Variants in ARG1 observed in about 807,000 individuals in gnomAD.
ARG1 encodes arginase-1.
A neutral mutation model predicts 33.0 loss-of-function variants in ARG1; 20 were observed. The observed-to-expected ratio is 0.61, with a 90% CI of 0.43 to 0.88. ARG1 has a LOEUF of 0.88. Among genes scored for constraint, ARG1 ranks in the 40% least tolerant of loss-of-function variants. The probability of loss-of-function intolerance (pLI) is 0.00; values close to 1 mark genes in which losing one functional copy is unlikely to be tolerated. For synonymous variants in ARG1, 146 were observed against 140.6 expected, an observed-to-expected ratio of 1.04 and a Z score of -0.27; for missense variants, 374 against 384.7, an observed-to-expected ratio of 0.97 and a Z score of 0.23.
Position 131,576,843 on chromosome 6 carries a change from C to T in ARG1, c.130+108C>T, listed in dbSNP as rs576331835. ...GTCTGGAATATTTACATCAGAATTG[C>T]GGTACTGGTTACAACCCGAGAAACA... is the stretch of plus-strand genomic sequence containing the variant. On this transcript the variant is annotated intron_variant, in intron 2 of 7. Coordinates refer to ENST00000368087, the MANE Select transcript of ARG1 (RefSeq NM_000045.4). The T allele has an allele frequency of 3.5e-5, 35 of 998,842 alleles. No individual in the cohort carries two copies. The East Asian group carries it at 4.9e-4, about 14-fold the overall frequency. The allele number at this position is 998,842 out of a possible 1,614,324, so 61.9% of individuals were successfully genotyped here.
At chr6:131,577,766 G>A (rs933928712) in intron 2 of ARG1, among the ~76,000 whole-genome samples, 23 of 151,856 alleles carry the variant, frequency 1.5e-4, no homozygotes, top group South Asian at 6.2e-4. Context: ...ATAGCTGGGC[G>A]TGGTGGCATG....
At chr6:131,573,871 G>T (rs1773487780) in intron 1 of ARG1, 1 of 240,786 alleles carries the variant, frequency 4.2e-6, no homozygotes, top group Non-Finnish European at 8.2e-6. Context: ...ATGTTTCTAT[G>T]AAACTGTTCA....
At position 131,584,180 on chromosome 6, in the gene ARG1, G is replaced by A. The variant is rs568284407; in HGVS notation, c.*272G>A. 136 of 423,832 alleles carry A rather than the reference G, an allele frequency of 3.2e-4. No individual in the cohort carries two copies. Among genetic ancestry groups the A allele is most frequent in the African/African-American group, 2.5e-3 (125 of 49,212 alleles). The allele number at this position is 423,832 out of a possible 1,614,324, so 26.3% of individuals were successfully genotyped here. A position where few individuals can be genotyped will look rare whatever the true frequency, so the allele number is the denominator to read the frequency against. On this transcript the variant is annotated 3_prime_UTR_variant, in exon 8 of 8. Transcript: ENST00000368087. ...ATTGATTTCCAATTAAAAATTTGCT[G>A]GCATTAAAAATAAGCACACTTACAT...
chr6:131,576,251 A>C (rs868449421), intron 1 of ARG1, among the ~76,000 whole-genome samples: 1 of 152,202 alleles, frequency 6.6e-6, no homozygotes, highest in South Asian at 2.1e-4. Context: ...ATCTCCTATC[A>C]GCTTATGAGG....
At chr6:131,580,993 T>A (rs1290789015) in intron 3 of ARG1, among the ~76,000 whole-genome samples, 1 of 152,146 alleles carries the variant, frequency 6.6e-6, no homozygotes, top group Admixed American at 6.5e-5. Context: ...AAAATCACAG[T>A]TTTTTTAGTA....
chr6:131,579,377 A>C, intron 3 of ARG1, 92 bp downstream of exon 3: 1 of 1,417,910 alleles, frequency 7.1e-7, no homozygotes, highest in Non-Finnish European at 9.7e-7. Flanking sequence ...ATAGACAGAA[A>C]AGCATTGACC....
intron 4 of ARG1, among the ~76,000 whole-genome samples, chr6:131,581,907 C>T (rs995490400): frequency 1.3e-5 from 2 of 152,310 alleles, no homozygotes; most frequent in Admixed American, 6.5e-5. Flanking sequence ...AACTATCTCC[C>T]TGCTCCCTAG....
rs1224399418 is a variant in ARG1, at chr6:131,581,258, C to CT, written c.345_346insT (p.Pro116SerfsTer2). Reference sequence around the variant, plus strand: ...GCATCTCTGGCCATGCCAGGGTCCACCCTGATCTTGGAGTCATCTGGGTGG... The same window carrying CT: ...GCATCTCTGGCCATGCCAGGGTCCACTCCTGATCTTGGAGTCATCTGGGTGG... On this transcript the variant is annotated frameshift_variant, in exon 4 of 8. Transcript: ENST00000368087. LOFTEE classifies it high-confidence loss of function. 3 of 1,613,884 alleles carry CT rather than the reference C, an allele frequency of 1.9e-6. No individual in the cohort carries two copies. In the Admixed American group the frequency reaches 5.0e-5, roughly 27 times the overall value.
chr6:131,584,027 T>TGG lies in ARG1; in HGVS notation c.*119_*120insGG. The TGG allele has an allele frequency of 8.3e-7, 1 of 1,208,580 alleles. No homozygotes were observed. The highest frequency in any genetic ancestry group is 1.2e-6 in the Non-Finnish European group (1 of 859,926). The allele number at this position is 1,208,580 out of a possible 1,614,324, so 74.9% of individuals were successfully genotyped here. On this transcript the variant is annotated 3_prime_UTR_variant, in exon 8 of 8. Transcript: ENST00000368087. ...TTCTTTCAGAAAAATGTTTTTCCAA[T>TGG]TAGTATAAACTCTACAAATTCCCTC...
chr6:131,575,490 G>A (rs1291506549), intron 1 of ARG1, among the ~76,000 whole-genome samples: 1 of 152,154 alleles, frequency 6.6e-6, no homozygotes, highest in Non-Finnish European at 1.5e-5. Context: ...AATGTGTCAG[G>A]CAGAGGATAG....
At position 131,583,787 on chromosome 6, in the gene ARG1, G is replaced by A; in HGVS notation, c.848G>A (p.Gly283Glu). Residue 283 changes from glycine to glutamate, a missense_variant, in exon 8 of 8, where the codon GGG (glycine) becomes GAG (glutamate). By Grantham distance (98) the Gly-to-Glu change is moderately conservative. Coordinates refer to ENST00000368087, the MANE Select transcript of ARG1 (RefSeq NM_000045.4). ...LDIMEVNPSL[G>E]KTPEEVTRTV... ...ATAATGGAAGTGAACCCATCCCTGGGGAAGACACCAGAAGAAGTAACTCGA... is the reference window on the plus strand; with the variant it reads ...ATAATGGAAGTGAACCCATCCCTGGAGAAGACACCAGAAGAAGTAACTCGA... 6.2e-7 allele frequency: 1 copy of A among 1,614,044 alleles called. No homozygotes were observed. The highest frequency in any genetic ancestry group is 8.5e-7 in the Non-Finnish European group (1 of 1,179,974).
At chr6:131,574,953 T>C (rs1474331419) in intron 1 of ARG1, among the ~76,000 whole-genome samples, 2 of 152,178 alleles carry the variant, frequency 1.3e-5, no homozygotes, top group Admixed American at 1.3e-4. Flanking sequence ...TGATTTGCAC[T>C]GATGTCTCTT....
chr6:131,581,377 A>T lies in ARG1; in HGVS notation c.464A>T (p.Lys155Met). The T allele has an allele frequency of 6.2e-7, 1 of 1,612,294 alleles. No homozygotes were observed. Among genetic ancestry groups the T allele is most frequent in the East Asian group, 2.2e-5 (1 of 44,778 alleles). ...TTCCTCCTGAAGGAACTAAAAGGAA[A>T]GGTAAAAGACTGGTTGGTACTCTAG... is the stretch of plus-strand genomic sequence containing the variant. ...VSFLLKELKG[K>M]IPDVPGFSWV... The change falls in exon 4 of 8, where the codon AAG becomes ATG. Residue 155 changes from lysine (K) to methionine (M), a missense_variant and splice_region_variant. Transcript: ENST00000368087.
Position 131,579,305 on chromosome 6 carries a change from T to C in ARG1, c.305+20T>C. 6.2e-7 allele frequency: 1 copy of C among 1,613,080 alleles called. No homozygotes were observed. The highest frequency in any genetic ancestry group is 1.1e-5 in the South Asian group (1 of 90,930). On this transcript the variant is annotated intron_variant, in intron 3 of 7. Transcript: ENST00000368087. Reference sequence around the variant, plus strand: ...CCACAGGTCTTGTTGAATAACTGTGTCTATGGGAATCTGGCACAAAGGAAG... The same window carrying C: ...CCACAGGTCTTGTTGAATAACTGTGCCTATGGGAATCTGGCACAAAGGAAG...
intron 7 of ARG1, 52 bp downstream of exon 7, chr6:131,583,543 A>ATAT (rs747543156): frequency 2.6e-6 from 4 of 1,548,674 alleles, no homozygotes; most frequent in Non-Finnish European, 2.6e-6. Flanking sequence ...TGACTAATAT[A>ATAT]TATTTATACC....
rs751567681 is a variant in ARG1 at position 131,583,431 on chromosome 6, G to C, written c.742G>C (p.Val248Leu). Reference protein sequence around the residue: ...PSFTPATGTPVVGGLTYREGL... With the variant: ...PSFTPATGTPLVGGLTYREGL... ...TTTCACACCAGCTACTGGCACACCAGTCGTGGGAGGTCTGACATACAGAGA... is the reference window on the plus strand; with the variant it reads ...TTTCACACCAGCTACTGGCACACCACTCGTGGGAGGTCTGACATACAGAGA... Residue 248 changes from valine to leucine, a missense_variant, in exon 7 of 8, where the codon GTC becomes CTC. Coordinates refer to ENST00000368087, the MANE Select transcript of ARG1 (RefSeq NM_000045.4). The C allele has an allele frequency of 6.2e-7, 1 of 1,614,126 alleles. No homozygotes were observed. Among genetic ancestry groups the C allele is most frequent in the South Asian group, 1.1e-5 (1 of 91,080 alleles).
intron 1 of ARG1, among the ~76,000 whole-genome samples, chr6:131,576,294 T>G (rs1252171814): frequency 6.6e-6 from 1 of 152,212 alleles, no homozygotes; most frequent in Non-Finnish European, 1.5e-5. Flanking sequence ...CATTATTGGA[T>G]CTCATCTACC....
intron 2 of ARG1, among the ~76,000 whole-genome samples, chr6:131,578,573 CTTAT>C (rs1457320982): frequency 1.3e-5 from 2 of 152,084 alleles, no homozygotes; most frequent in Non-Finnish European, 2.9e-5. Flanking sequence ...TTCACATATT[CTTAT>C]TTATTTATGA....
chr6:131,581,840 G>A (rs552059873), intron 4 of ARG1, among the ~76,000 whole-genome samples: 2 of 152,140 alleles, frequency 1.3e-5, no homozygotes, highest in South Asian at 2.1e-4. Context: ...CAGATATAAT[G>A]GTTTATGAAC....
Sources: gnomAD v4.1 joint callset for allele counts (sites outside exome capture counted in the v4.1 genomes callset) on GRCh38, gnomAD v4.1.1 for gene constraint, MANE v1.5 for transcripts, NCBI Gene and HGNC (gene_info 2026-07-23, HGNC 2026-07-21) for gene names.